RALGDS: variants seen among roughly 807,000 people sequenced by gnomAD.
RALGDS encodes the protein ral guanine nucleotide dissociation stimulator.
A neutral mutation model predicts 99.8 loss-of-function variants in RALGDS; 44 were observed. The observed-to-expected ratio is 0.44, with a 90% confidence interval of 0.35 to 0.57. RALGDS has a LOEUF of 0.57. RALGDS is among the 20% of genes least tolerant of loss of function. The pLI is 0.01. For synonymous variants in RALGDS, 529 were observed against 505.0 expected, an observed-to-expected ratio of 1.05 and a Z score of -0.64; for missense variants, 1,022 against 1,203.1, an observed-to-expected ratio of 0.85 and a Z score of 2.23.
chr9:133,113,521 A>G (rs928401745), intron 1 of RALGDS, among the ~76,000 whole-genome samples: 2 of 152,174 alleles, frequency 1.3e-5, no homozygotes, highest in Non-Finnish European at 2.9e-5. Context: ...ATTTCTTGGA[A>G]GTTAGCAGGG....
At position 133,110,313 on chromosome 9, in the gene RALGDS, C is replaced by T. The variant is rs143388456; in HGVS notation, c.471G>A (p.Leu157=). 219 of 1,613,670 alleles carry T rather than the reference C, an allele frequency of 1.4e-4. No individual in the cohort carries two copies. Among genetic ancestry groups the T allele is most frequent in the Non-Finnish European group, 1.8e-4 (212 of 1,179,954 alleles). ...YRAFTTTQQV[L]DLLFKRYGRC... ...ATGCTCACCTTTTGAACAGCAGGTC[C>T]AGGACCTGTTGGGTGGTGGTGAAGG... The change falls in exon 3 of 18, where the codon CTG becomes CTA. Residue 157 remains leucine (L), a synonymous_variant. Transcript: ENST00000372050.
intron 1 of RALGDS, among the ~76,000 whole-genome samples, chr9:133,116,678 C>T (rs895788358): frequency 6.6e-6 from 1 of 152,270 alleles, no homozygotes; most frequent in Non-Finnish European, 1.5e-5. Context: ...GTGCCCAGCA[C>T]ATGCGGGCAC....
chr9:133,119,297 G>A (rs556071415), intron 1 of RALGDS, among the ~76,000 whole-genome samples: 6 of 152,314 alleles, frequency 3.9e-5, no homozygotes, highest in East Asian at 3.9e-4. Flanking sequence ...AGGAGGGACA[G>A]GGACTTCCCC....
intron 1 of RALGDS, 46 bp downstream of exon 1, chr9:133,120,926 G>A (rs1217637692): frequency 9.0e-5 from 132 of 1,459,008 alleles, no homozygotes; most frequent in Non-Finnish European, 1.2e-4. Flanking sequence ...GCCGCGGGTG[G>A]GGAGGCTCCG....
intron 13 of RALGDS, 84 bp downstream of exon 13, chr9:133,102,695 C>G: frequency 6.2e-7 from 1 of 1,603,578 alleles, no homozygotes; most frequent in Non-Finnish European, 8.5e-7. Context: ...TGAGGCTGAC[C>G]ATGGGTCATA....
rs760933429 is a variant in RALGDS at position 133,121,026 on chromosome 9, G to A, written c.129C>T (p.Cys43=). 8.6e-5 allele frequency: 129 copies of A among 1,496,338 alleles called. No homozygotes were observed. Among genetic ancestry groups the A allele is most frequent in the Non-Finnish European group, 1.1e-4 (123 of 1,129,376 alleles). 92.7% of individuals were successfully genotyped at this position (1,496,338 alleles called of 1,614,324 possible). A position where few individuals can be genotyped will look rare whatever the true frequency, so the allele number is the denominator to read the frequency against. The change falls in exon 1 of 18, where the codon TGC becomes TGT. Residue 43 remains cysteine (C), a synonymous_variant. Coordinates refer to ENST00000372050, the MANE Select transcript of RALGDS (RefSeq NM_006266.4). ...VRLEVGVPDS[C]PVVLHSFTQL... ...GCGTGAAGCTGTGCAGCACCACCGG[G>A]CAGCTGTCGGGGACGCCCACCTCCA...
rs574227683 is a variant in RALGDS, at chr9:133,098,063, G to A, written c.*524C>T. The A allele has an allele frequency of 3.9e-6, 1 of 258,796 alleles. No homozygotes were observed. Among genetic ancestry groups the A allele is most frequent in the Non-Finnish European group, 7.5e-6 (1 of 132,972 alleles). 16.0% of individuals were successfully genotyped at this position (258,796 alleles called of 1,614,324 possible). ...CTCCCAGGGGAGGGCTGGGGTAAGC[G>A]GTGGGTGAGACTCCCTCACTCTCAG... On this transcript the variant is annotated 3_prime_UTR_variant, in exon 18 of 18. Coordinates refer to ENST00000372050, the MANE Select transcript of RALGDS (RefSeq NM_006266.4).
At chr9:133,105,418 G>C (rs1830967476) in intron 9 of RALGDS, among the ~76,000 whole-genome samples, 1 of 152,268 alleles carries the variant, frequency 6.6e-6, no homozygotes, top group East Asian at 1.9e-4. Context: ...GGGTAGGGAA[G>C]CCACATGGGG....
At chr9:133,143,440 C>T (rs994157529) in intron 1 of RALGDS, among the ~76,000 whole-genome samples, 3 of 152,114 alleles carry the variant, frequency 2.0e-5, no homozygotes, top group African/African-American at 4.8e-5. Context: ...GGGCCTTGTG[C>T]GGGTAGGGAG....
chr9:133,137,871 C>T (rs1293132845), intron 1 of RALGDS, among the ~76,000 whole-genome samples: 1 of 152,266 alleles, frequency 6.6e-6, no homozygotes, highest in Non-Finnish European at 1.5e-5. Flanking sequence ...AGAGACCCCT[C>T]CCCAAGGCAC....
chr9:133,107,438 T>C lies in RALGDS; in HGVS notation c.1198-138A>G, dbSNP rs3814962. The C allele has an allele frequency of 5.8e-5, 47 of 814,510 alleles. No homozygotes were observed. In the East Asian group the frequency reaches 1.2e-3, roughly 21 times the overall value. 50.5% of individuals were successfully genotyped at this position (814,510 alleles called of 1,614,324 possible). On this transcript the variant is annotated intron_variant, in intron 6 of 17. Transcript: ENST00000372050. The stretch of plus-strand genomic sequence containing the variant: ...CCATGCAGGGTGCCCAGCACACAAG[T>C]GACCCGGGACAGAACGCTGGTGGGA...
chr9:133,119,868 G>A (rs1391110576), intron 1 of RALGDS, among the ~76,000 whole-genome samples: 1 of 152,168 alleles, frequency 6.6e-6, no homozygotes, highest in Non-Finnish European at 1.5e-5. Flanking sequence ...TCCAGGCCCT[G>A]TCTAGGTACC....
intron 2 of RALGDS, among the ~76,000 whole-genome samples, chr9:133,111,477 C>T (rs750977585): frequency 6.6e-5 from 10 of 152,176 alleles, no homozygotes; most frequent in Non-Finnish European, 1.2e-4. Flanking sequence ...GATGGGGTTT[C>T]ACCATGTGGG....
intron 2 of RALGDS, 73 bp from the exon 3 acceptor site, chr9:133,110,562 G>A (rs747421287): frequency 2.3e-5 from 31 of 1,358,408 alleles, no homozygotes; most frequent in African/African-American, 1.3e-4. Flanking sequence ...ATGGAACCCC[G>A]AGCCCTCAGC....
At chr9:133,116,126 A>G (rs1443023059) in intron 1 of RALGDS, among the ~76,000 whole-genome samples, 1 of 111,106 alleles carries the variant, frequency 9.0e-6, no homozygotes, top group East Asian at 2.5e-4. Flanking sequence ...GTGGAACGCA[A>G]GGGCCTCGTG....
chr9:133,116,901 T>C (rs1262085465), intron 1 of RALGDS, among the ~76,000 whole-genome samples: 1 of 152,174 alleles, frequency 6.6e-6, no homozygotes, highest in Non-Finnish European at 1.5e-5. Flanking sequence ...GTCCAGCCCC[T>C]TGTGGCACAG....
At chr9:133,109,774 C>T (rs1162609619) in intron 3 of RALGDS, 53 bp from the exon 4 acceptor site, 1 of 1,491,372 alleles carries the variant, frequency 6.7e-7, no homozygotes, top group Admixed American at 1.7e-5. Context: ...AACGGAGGCC[C>T]AGGAGGGCAG....
chr9:133,110,551 G>T, intron 2 of RALGDS, 62 bp from the exon 3 acceptor site: 1 of 1,454,168 alleles, frequency 6.9e-7, no homozygotes, highest in Non-Finnish European at 9.6e-7. Context: ...CTGGAGCTCA[G>T]ATGGAACCCC....
chr9:133,102,268 C>T (rs1830792568), intron 14 of RALGDS, 129 bp from the exon 15 acceptor site: 2 of 1,148,616 alleles, frequency 1.7e-6, no homozygotes, highest in Non-Finnish European at 2.5e-6. Flanking sequence ...TCACCACAGC[C>T]ATCTGGGAGA....
Sources: gnomAD v4.1 joint callset for allele counts (sites outside exome capture counted in the v4.1 genomes callset) on GRCh38, gnomAD v4.1.1 for gene constraint, MANE v1.5 for transcripts, NCBI Gene and HGNC (gene_info 2026-07-23, HGNC 2026-07-21) for gene names.